Variants in UBR3 observed in about 807,000 individuals in gnomAD.
UBR3 encodes the protein E3 ubiquitin-protein ligase UBR3.
A neutral mutation model predicts 243.2 loss-of-function variants in UBR3; 85 were observed. The ratio of observed to expected loss-of-function variants is 0.35; its 90% CI spans 0.29 to 0.42. The LOEUF (loss-of-function observed/expected upper bound fraction) is 0.42. UBR3 is among the 10% of genes least tolerant of loss of function. UBR3 has a pLI of 1.00. For synonymous variants in UBR3, 748 were observed against 799.8 expected, an observed-to-expected ratio of 0.94 and a Z score of 1.09; for missense variants, 1,686 against 2,300.8, an observed-to-expected ratio of 0.73 and a Z score of 5.47.
At chr2:170,066,631 A>ATGCT (rs1376554775) in intron 35 of UBR3, among the ~76,000 whole-genome samples, 1 of 152,194 alleles carries the variant, frequency 6.6e-6, no homozygotes, top group Non-Finnish European at 1.5e-5. Flanking sequence ...CATTGACTAC[A>ATGCT]TGCTAAGCAC....
chr2:169,957,755 C>A (rs1044892128), intron 23 of UBR3, among the ~76,000 whole-genome samples: 5 of 152,008 alleles, frequency 3.3e-5, no homozygotes, highest in Non-Finnish European at 5.9e-5. Flanking sequence ...AAAAAATATT[C>A]TTTGGAAGTA....
intron 32 of UBR3, among the ~76,000 whole-genome samples, chr2:170,052,569 A>T (rs574666445): frequency 1.3e-5 from 2 of 152,362 alleles, no homozygotes; most frequent in Non-Finnish European, 1.5e-5. Flanking sequence ...AACCCATAGG[A>T]CATTATGCTA....
At chr2:169,938,520 C>T (rs1474055834) in intron 19 of UBR3, among the ~76,000 whole-genome samples, 2 of 152,100 alleles carry the variant, frequency 1.3e-5, no homozygotes, top group Admixed American at 6.5e-5. Flanking sequence ...CCTCAGCCTC[C>T]CAAAGTGTTA....
chr2:169,894,706 G>C (rs1286147855), intron 6 of UBR3, among the ~76,000 whole-genome samples: 1 of 152,108 alleles, frequency 6.6e-6, no homozygotes, highest in Non-Finnish European at 1.5e-5. Flanking sequence ...AGTGTTAATT[G>C]AAAAAACTCT....
chr2:170,052,256 T>C (rs1216979514), intron 32 of UBR3, among the ~76,000 whole-genome samples: 2 of 152,170 alleles, frequency 1.3e-5, no homozygotes, highest in African/African-American at 4.8e-5. Context: ...CTCATTGTTT[T>C]TCCTTAGTTC....
intron 24 of UBR3, among the ~76,000 whole-genome samples, chr2:169,961,559 C>G (rs113902943): frequency 1.3e-5 from 2 of 152,162 alleles, no homozygotes; most frequent in Non-Finnish European, 2.9e-5. Flanking sequence ...TCTACTCTCA[C>G]ACTTGATTGT....
At position 170,048,187 on chromosome 2, in the gene UBR3, C is replaced by T. The variant is rs1296664339; in HGVS notation, c.4660+7202C>T. ...CATTGTGAGGATCATTCTTTAATCACATTTAGCCAATCATCTGGGGTTGCA... is the reference window on the plus strand; with the variant it reads ...CATTGTGAGGATCATTCTTTAATCATATTTAGCCAATCATCTGGGGTTGCA... On this transcript the variant is annotated intron_variant, in intron 32 of 38. Transcript: ENST00000272793. 2.0e-5 allele frequency among the ~76,000 whole-genome samples: 3 copies of T among 152,246 alleles called. 1 individual carries two copies. Among genetic ancestry groups the T allele is most frequent in the South Asian group, 4.1e-4 (2 of 4,820 alleles).
At chr2:169,853,700 T>G (rs2082739509) in intron 1 of UBR3, among the ~76,000 whole-genome samples, 1 of 152,144 alleles carries the variant, frequency 6.6e-6, no homozygotes, top group Admixed American at 6.5e-5. Context: ...TCCACCCACC[T>G]CAGCCTCCCA....
At chr2:170,039,699 T>G (rs1340178508) in intron 31 of UBR3, among the ~76,000 whole-genome samples, 1 of 152,176 alleles carries the variant, frequency 6.6e-6, no homozygotes, top group Non-Finnish European at 1.5e-5. Context: ...AAGTGTAGCT[T>G]CAGAATTTAG....
chr2:170,070,194 G>A (rs957339513), intron 35 of UBR3, among the ~76,000 whole-genome samples: 25 of 152,002 alleles, frequency 1.6e-4, no homozygotes, highest in East Asian at 7.7e-4. Flanking sequence ...CAGTTGGTTC[G>A]ACAACAAAAG....
intron 1 of UBR3, among the ~76,000 whole-genome samples, chr2:169,829,558 G>C (rs953598139): frequency 2.6e-5 from 4 of 151,608 alleles, no homozygotes; most frequent in African/African-American, 9.7e-5. Flanking sequence ...CAAGTAGCTG[G>C]GATTACAGTC....
chr2:169,832,474 C>T lies in UBR3; in HGVS notation c.545+4422C>T, dbSNP rs527619723. ...CTGAGGCAGGAGAATGGCGTGAACCCGGGAGGCGGAGCTTGGAGTGAGCTT... is the reference window on the plus strand; with the variant it reads ...CTGAGGCAGGAGAATGGCGTGAACCTGGGAGGCGGAGCTTGGAGTGAGCTT... On this transcript the variant is annotated intron_variant, in intron 1 of 38. Coordinates refer to ENST00000272793, the MANE Select transcript of UBR3 (RefSeq NM_172070.4). 4.6e-5 allele frequency among the ~76,000 whole-genome samples: 7 copies of T among 151,866 alleles called. No homozygotes were observed. In the East Asian group the frequency reaches 7.7e-4, roughly 17 times the overall value.
intron 21 of UBR3, among the ~76,000 whole-genome samples, chr2:169,947,226 A>G (rs1026212310): frequency 3.9e-5 from 6 of 152,130 alleles, no homozygotes; most frequent in Admixed American, 1.3e-4. Context: ...CATTATTTGT[A>G]TTACTAATGG....
chr2:170,024,933 G>A (rs1298570635), intron 30 of UBR3, among the ~76,000 whole-genome samples: 3 of 152,194 alleles, frequency 2.0e-5, no homozygotes, highest in African/African-American at 4.8e-5. Flanking sequence ...AATAGGTCAA[G>A]CACTGCTTTA....
chr2:170,076,171 T>C (rs1285839379), intron 36 of UBR3, among the ~76,000 whole-genome samples: 1 of 152,178 alleles, frequency 6.6e-6, no homozygotes, highest in Non-Finnish European at 1.5e-5. Context: ...GGGCAGGATC[T>C]TGTGTTGGGG....
In UBR3 at chr2:170,039,225, T is replaced by A. The variant is rs117006027; in HGVS notation, c.4557-1657T>A. Among the ~76,000 whole-genome samples the A allele has an allele frequency of 3.4e-3, 524 of 152,098 alleles. 8 individuals are homozygous for A. The highest frequency in any genetic ancestry group is 0.029 in the East Asian group (152 of 5,166). On this transcript the variant is annotated intron_variant, in intron 31 of 38. Coordinates refer to ENST00000272793, the MANE Select transcript of UBR3 (RefSeq NM_172070.4). ...CAGTGTTTCACAAAAGCCAAGAAAA[T>A]TTTCCAGGCAGAATGTTCAGCTGTA... is the stretch of plus-strand genomic sequence containing the variant.
In UBR3 at chr2:169,834,308, G is replaced by T. The variant is rs566203174; in HGVS notation, c.545+6256G>T. ...TTTTGTAATGTACTATGATTTTTGC[G>T]GTCAGTCCCTACTGATAGACATTTA... is the stretch of plus-strand genomic sequence containing the variant. On this transcript the variant is annotated intron_variant, in intron 1 of 38. Transcript: ENST00000272793. Among the ~76,000 whole-genome samples, 19 of 152,042 alleles carry T rather than the reference G, an allele frequency of 1.2e-4. 1 individual carries two copies. The highest frequency in any genetic ancestry group is 1.2e-3 in the Admixed American group (18 of 15,250).
chr2:169,941,858 A>C (rs2086604068), intron 19 of UBR3, among the ~76,000 whole-genome samples: 2 of 152,198 alleles, frequency 1.3e-5, no homozygotes, highest in South Asian at 4.1e-4. Flanking sequence ...GAAGAGACAG[A>C]CAAGCTAATT....
At chr2:170,009,659 ACT>A (rs1405234111) in intron 29 of UBR3, among the ~76,000 whole-genome samples, 1 of 152,110 alleles carries the variant, frequency 6.6e-6, no homozygotes, top group Non-Finnish European at 1.5e-5. Context: ...GCCAAAACTG[ACT>A]CTGTACATCC....
Sources: gnomAD v4.1 joint callset for allele counts (sites outside exome capture counted in the v4.1 genomes callset) on GRCh38, gnomAD v4.1.1 for gene constraint, MANE v1.5 for transcripts, NCBI Gene and HGNC (gene_info 2026-07-23, HGNC 2026-07-21) for gene names.